PLLP: variants seen among roughly 807,000 people sequenced by gnomAD.
The protein encoded by PLLP is plasmolipin, also known as plasma membrane proteolipid (plasmolipin).
A neutral mutation model predicts 19.7 loss-of-function variants in PLLP; 15 were observed. That is an observed-to-expected ratio of 0.76 (90% CI 0.51 to 1.17). The LOEUF is 1.17. Ranked by LOEUF, PLLP falls within the 50% of genes most tolerant of loss-of-function variation. The pLI, the probability that PLLP is intolerant of heterozygous loss-of-function variation, is 0.00. For synonymous variants in PLLP, 111 were observed against 116.3 expected, an observed-to-expected ratio of 0.95 and a Z score of 0.29; for missense variants, 255 against 258.3, an observed-to-expected ratio of 0.99 and a Z score of 0.09.
chr16:57,259,378 A>C (rs1276146410), intron 2 of PLLP, among the ~76,000 whole-genome samples: 1 of 152,186 alleles, frequency 6.6e-6, no homozygotes, highest in East Asian at 1.9e-4. Flanking sequence ...AGGGGGAAGA[A>C]TTTTTGTCTC....
intron 1 of PLLP, among the ~76,000 whole-genome samples, chr16:57,278,787 G>A (rs1219345644): frequency 6.6e-6 from 1 of 152,212 alleles, no homozygotes; most frequent in East Asian, 1.9e-4. Flanking sequence ...GTGTGACCAA[G>A]CCCTGCTCAC....
At chr16:57,258,707 A>G in intron 2 of PLLP, 123 bp from the exon 3 acceptor site, 1 of 958,898 alleles carries the variant, frequency 1.0e-6, no homozygotes, top group Non-Finnish European at 1.6e-6. Context: ...GGATCGCTTG[A>G]GCCCAGGAGT....
chr16:57,278,068 G>A (rs1452909597), intron 1 of PLLP, among the ~76,000 whole-genome samples: 2 of 152,104 alleles, frequency 1.3e-5, no homozygotes, highest in Non-Finnish European at 2.9e-5. Flanking sequence ...GGCCAGGCAC[G>A]GTGGCTCATG....
intron 3 of PLLP, 104 bp from the exon 4 acceptor site, chr16:57,257,133 C>T: frequency 1.3e-6 from 1 of 782,788 alleles, no homozygotes; most frequent in Non-Finnish European, 2.3e-6. Context: ...GCCGCACCAT[C>T]TCACACTTAG....
Position 57,284,487 on chromosome 16 carries a change from G to C in PLLP, c.54C>G (p.Gly18=). 6.9e-7 allele frequency: 1 copy of C among 1,441,032 alleles called. No homozygotes were observed. Among genetic ancestry groups the C allele is most frequent in the Non-Finnish European group, 9.2e-7 (1 of 1,091,822 alleles). The allele number at this position is 1,441,032 out of a possible 1,614,324, so 89.3% of individuals were successfully genotyped here. A position where few individuals can be genotyped will look rare whatever the true frequency, so the allele number is the denominator to read the frequency against. Residue 18 remains glycine, a synonymous_variant, in exon 1 of 4, where the codon GGC becomes GGG. Coordinates refer to ENST00000219207, the MANE Select transcript of PLLP (RefSeq NM_015993.3). The stretch of plus-strand genomic sequence containing the variant: ...GCAGCGCCGACACCGAGGCTTCGGC[G>C]CCCTGCGCAGGACTGCTGGTCCGCG... ...VSTRTSSPAQ[G]AEASVSALRP...
At chr16:57,279,267 A>ATCCT (rs1175287571) in intron 1 of PLLP, among the ~76,000 whole-genome samples, 2 of 152,058 alleles carry the variant, frequency 1.3e-5, no homozygotes, top group East Asian at 3.9e-4. Context: ...TTTGAACCCA[A>ATCCT]GGCTCTCAGC....
At chr16:57,271,351 A>G (rs1050263399) in intron 1 of PLLP, among the ~76,000 whole-genome samples, 1 of 151,972 alleles carries the variant, frequency 6.6e-6, no homozygotes, top group Non-Finnish European at 1.5e-5. Flanking sequence ...GGGCTTTAGA[A>G]AAGTCTTCCC....
intron 1 of PLLP, among the ~76,000 whole-genome samples, chr16:57,278,684 T>A (rs1384034025): frequency 6.6e-6 from 1 of 152,168 alleles, no homozygotes; most frequent in Non-Finnish European, 1.5e-5. Flanking sequence ...ATATTGGGCA[T>A]GCGGGGCCTG....
intron 1 of PLLP, among the ~76,000 whole-genome samples, chr16:57,269,117 G>A (rs1203416902): frequency 6.6e-6 from 1 of 152,176 alleles, no homozygotes; most frequent in Non-Finnish European, 1.5e-5. Context: ...GAGGGGCCTT[G>A]GGCAGACCCC....
At chr16:57,284,113 C>G (rs1697986206) in intron 1 of PLLP, among the ~76,000 whole-genome samples, 1 of 152,108 alleles carries the variant, frequency 6.6e-6, no homozygotes, top group South Asian at 2.1e-4. Flanking sequence ...CTGGTAACCA[C>G]CTTGGAGGGG....
intron 1 of PLLP, among the ~76,000 whole-genome samples, chr16:57,262,779 GA>G (rs1433155999): frequency 1.3e-5 from 2 of 152,082 alleles, no homozygotes. Flanking sequence ...TGGCTCGTGT[GA>G]TACACCACTG....
rs142559814 is a variant in PLLP, at chr16:57,277,516, G to C, written c.135+6890C>G. ...TGAGGCAGGAGAATCACTTGAACTT[G>C]GGAGGCAGAGGTTGCAGTGAGCTGA... On this transcript the variant is annotated intron_variant, in intron 1 of 3. Coordinates refer to ENST00000219207, the MANE Select transcript of PLLP (RefSeq NM_015993.3). Among the ~76,000 whole-genome samples, 779 of 152,222 alleles carry C rather than the reference G, an allele frequency of 5.1e-3. 4 individuals are homozygous for C. The highest frequency in any genetic ancestry group is 0.018 in the African/African-American group (744 of 41,516).
In PLLP at chr16:57,256,131, TAA is replaced by T. The variant is rs1421074465; in HGVS notation, c.*780_*781del. The T allele has an allele frequency of 2.5e-6, 1 of 398,138 alleles. No homozygotes were observed. Among genetic ancestry groups the T allele is most frequent in the African/African-American group, 2.1e-5 (1 of 48,708 alleles). The allele number at this position is 398,138 out of a possible 1,614,324, so 24.7% of individuals were successfully genotyped here. A position where few individuals can be genotyped will look rare whatever the true frequency, so the allele number is the denominator to read the frequency against. ...TCATCTTTATTTTTATTAAAAAAAA[TAA>T]AACAGTCACCACCAACCACATGACA... is the stretch of plus-strand genomic sequence containing the variant. On this transcript the variant is annotated 3_prime_UTR_variant, in exon 4 of 4. Coordinates refer to ENST00000219207, the MANE Select transcript of PLLP (RefSeq NM_015993.3).
intron 1 of PLLP, among the ~76,000 whole-genome samples, chr16:57,268,255 A>G (rs1456705001): frequency 1.3e-5 from 2 of 152,176 alleles, no homozygotes; most frequent in African/African-American, 4.8e-5. Context: ...GCCCCAGGAA[A>G]TGAATAGGTT....
intron 2 of PLLP, among the ~76,000 whole-genome samples, chr16:57,260,403 G>C (rs2075438475): frequency 6.6e-6 from 1 of 152,152 alleles, no homozygotes. Flanking sequence ...ACGTGAGGGA[G>C]GGGGTGGACC....
Position 57,284,614 on chromosome 16 carries a change from C to T in PLLP, c.-74G>A, listed in dbSNP as rs1901263462. 11 of 1,259,220 alleles carry T rather than the reference C, an allele frequency of 8.7e-6. No individual in the cohort carries two copies. Among genetic ancestry groups the T allele is most frequent in the South Asian group, 2.8e-5 (1 of 35,422 alleles). 78.0% of individuals were successfully genotyped at this position (1,259,220 alleles called of 1,614,324 possible). Reference sequence around the variant, plus strand: ...CTCCAGCGGTGGGTGCCGGCTCCCGCGCCGCTTTTCCCCCAGGCTCCGGAT... The same window carrying T: ...CTCCAGCGGTGGGTGCCGGCTCCCGTGCCGCTTTTCCCCCAGGCTCCGGAT... On this transcript the variant is annotated 5_prime_UTR_variant, in exon 1 of 4. Transcript: ENST00000219207.
chr16:57,283,641 A>T (rs997363540), intron 1 of PLLP, among the ~76,000 whole-genome samples: 2 of 152,240 alleles, frequency 1.3e-5, no homozygotes, highest in South Asian at 4.2e-4. Flanking sequence ...GGAGTGGAGG[A>T]TGTTCCCATG....
intron 1 of PLLP, among the ~76,000 whole-genome samples, chr16:57,280,303 C>T (rs1371108933): frequency 1.3e-5 from 2 of 152,164 alleles, no homozygotes; most frequent in African/African-American, 2.4e-5. Flanking sequence ...ATTTACTTAT[C>T]AGTAAATCCA....
chr16:57,274,923 G>A (rs952599697), intron 1 of PLLP, among the ~76,000 whole-genome samples: 20 of 151,844 alleles, frequency 1.3e-4, no homozygotes, highest in Admixed American at 2.0e-4. Context: ...CACCATGCCC[G>A]GCTAATTTTT....
Sources: gnomAD v4.1 joint callset for allele counts (sites outside exome capture counted in the v4.1 genomes callset) on GRCh38, gnomAD v4.1.1 for gene constraint, MANE v1.5 for transcripts, NCBI Gene and HGNC (gene_info 2026-07-23, HGNC 2026-07-21) for gene names.